AGBL4: variants seen among roughly 807,000 people sequenced by gnomAD.
The protein encoded by AGBL4 is cytosolic carboxypeptidase 6.
Under a neutral mutation model 66.4 loss-of-function variants are expected in AGBL4, and 58 were observed. That is an observed-to-expected ratio of 0.87 (90% CI 0.71 to 1.09). The LOEUF (loss-of-function observed/expected upper bound fraction) is 1.09, where lower values mean the gene tolerates loss of function less well. AGBL4 is among the 50% of genes least tolerant of loss of function. The pLI, the probability that AGBL4 is intolerant of heterozygous loss-of-function variation, is 0.00. For synonymous variants in AGBL4, 234 were observed against 222.9 expected, an observed-to-expected ratio of 1.05 and a Z score of -0.44; for missense variants, 579 against 631.0, an observed-to-expected ratio of 0.92 and a Z score of 0.88.
At chr1:48,965,292 A>G (rs1057404064) in intron 5 of AGBL4, among the ~76,000 whole-genome samples, 1 of 152,146 alleles carries the variant, frequency 6.6e-6, no homozygotes, top group Admixed American at 6.5e-5. Context: ...TTCTTTGGAT[A>G]GGGGAACAGA....
intron 6 of AGBL4, among the ~76,000 whole-genome samples, chr1:48,712,204 A>G (rs1460295191): frequency 1.3e-5 from 2 of 152,042 alleles, no homozygotes; most frequent in Admixed American, 6.5e-5. Flanking sequence ...TTCCACACAT[A>G]TCCCTTCCTT....
chr1:48,533,883 T>C lies in AGBL4; in HGVS notation c.*290A>G, dbSNP rs2798111. The stretch of plus-strand genomic sequence containing the variant: ...TGTCAAATCTCTTAAAAGGGATGTG[T>C]AGGTTTTCCTCATCTTGGAAGATCT... On this transcript the variant is annotated 3_prime_UTR_variant, in exon 14 of 14. Coordinates refer to ENST00000371839, the MANE Select transcript of AGBL4 (RefSeq NM_032785.4). 137,331 of 422,894 alleles carry C rather than the reference T, an allele frequency of 0.32. 23,087 individuals carry two copies. Among genetic ancestry groups the C allele is most frequent in the East Asian group, 0.36 (7,017 of 19,518 alleles). 26.2% of individuals were successfully genotyped at this position (422,894 alleles called of 1,614,324 possible).
chr1:49,619,716 A>AACTATATTAAAAGACT (rs1435903635), intron 3 of AGBL4, among the ~76,000 whole-genome samples: 2 of 152,184 alleles, frequency 1.3e-5, no homozygotes, highest in African/African-American at 2.4e-5. Flanking sequence ...CCTGACTTCA[A>AACTATATTAAAAGACT]ACTATATTAA....
At chr1:48,607,821 C>T (rs981343410) in intron 9 of AGBL4, among the ~76,000 whole-genome samples, 1 of 152,188 alleles carries the variant, frequency 6.6e-6, no homozygotes, top group Non-Finnish European at 1.5e-5. Context: ...TAAGTCCTGA[C>T]TCCGAGTCAA....
intron 4 of AGBL4, among the ~76,000 whole-genome samples, chr1:49,245,324 AAAGCTACTG>A (rs1651556035): frequency 6.6e-6 from 1 of 151,076 alleles, no homozygotes; most frequent in African/African-American, 2.4e-5. Flanking sequence ...AAAGCAAGAG[AAAGCTACTG>A]AACTGTAGTC....
At chr1:49,530,273 C>CAAAAAAAAAAAAAAAAA (rs1171374859) in intron 3 of AGBL4, among the ~76,000 whole-genome samples, 3 of 111,928 alleles carry the variant, frequency 2.7e-5, no homozygotes, top group Non-Finnish European at 5.2e-5. Flanking sequence ...AAAAAAAAAA[C>CAAAAAAAAAAAAAAAAA]AAAAAAAAAC....
chr1:49,059,002 T>C (rs1239351500), intron 4 of AGBL4, among the ~76,000 whole-genome samples: 3 of 151,966 alleles, frequency 2.0e-5, no homozygotes, highest in African/African-American at 7.3e-5. Context: ...AATGATGCAA[T>C]AAAAAAAGAA....
At chr1:48,850,616 C>T (rs560851860) in intron 6 of AGBL4, among the ~76,000 whole-genome samples, 1 of 149,442 alleles carries the variant, frequency 6.7e-6, no homozygotes, top group African/African-American at 2.5e-5. Context: ...CTTCAACTTC[C>T]CAAGCTCAGG....
At chr1:49,653,308 C>A (rs1207554913) in intron 3 of AGBL4, among the ~76,000 whole-genome samples, 3 of 152,110 alleles carry the variant, frequency 2.0e-5, no homozygotes, top group Non-Finnish European at 4.4e-5. Context: ...CACAAAACCA[C>A]ATCCAAGGTC....
At chr1:49,510,699 G>A (rs917585725) in intron 3 of AGBL4, among the ~76,000 whole-genome samples, 3 of 151,600 alleles carry the variant, frequency 2.0e-5, no homozygotes, top group Non-Finnish European at 4.4e-5. Flanking sequence ...TTTTCTTCTA[G>A]GGTTTTTATG....
chr1:49,537,663 G>T (rs1277272806), intron 3 of AGBL4, among the ~76,000 whole-genome samples: 3 of 152,184 alleles, frequency 2.0e-5, no homozygotes, highest in Non-Finnish European at 4.4e-5. Context: ...GGTGGCTCAC[G>T]CCTGTAATCC....
chr1:48,586,990 G>A lies in AGBL4; in HGVS notation c.1267+14C>T. 1 of 1,609,888 alleles carries A rather than the reference G, an allele frequency of 6.2e-7. No individual in the cohort carries two copies. Among genetic ancestry groups the A allele is most frequent in the Non-Finnish European group, 8.5e-7 (1 of 1,178,360 alleles). ...ATGAGGGCTGGCCCAAGGCTGGGTG[G>A]GGACTAAGGATACAGGCTTCTTCAG... On this transcript the variant is annotated intron_variant, in intron 11 of 13. Coordinates refer to ENST00000371839, the MANE Select transcript of AGBL4 (RefSeq NM_032785.4).
chr1:49,455,206 A>C (rs2148688559), intron 3 of AGBL4, among the ~76,000 whole-genome samples: 1 of 151,764 alleles, frequency 6.6e-6, no homozygotes, highest in South Asian at 2.1e-4. Context: ...GATGTCATGA[A>C]GTACAGAGAG....
At chr1:49,898,489 AAAAG>A (rs1649440636) in intron 1 of AGBL4, among the ~76,000 whole-genome samples, 1 of 152,198 alleles carries the variant, frequency 6.6e-6, no homozygotes, top group Non-Finnish European at 1.5e-5. Flanking sequence ...GATGTAGAGA[AAAAG>A]AACCCTCATA....
chr1:49,074,558 C>T (rs1217386804), intron 4 of AGBL4, among the ~76,000 whole-genome samples: 1 of 152,154 alleles, frequency 6.6e-6, no homozygotes, highest in Non-Finnish European at 1.5e-5. Context: ...TTGTGTTGGG[C>T]CCATGCTAAG....
intron 5 of AGBL4, among the ~76,000 whole-genome samples, chr1:48,870,385 T>C (rs1240971008): frequency 6.6e-6 from 1 of 152,134 alleles, no homozygotes; most frequent in East Asian, 1.9e-4. Flanking sequence ...CAGGGCTATG[T>C]CATTTCACCT....
At chr1:49,366,874 G>A (rs924342916) in intron 3 of AGBL4, among the ~76,000 whole-genome samples, 2 of 152,134 alleles carry the variant, frequency 1.3e-5, no homozygotes, top group African/African-American at 2.4e-5. Flanking sequence ...ATTTTTGCTG[G>A]AACAGGAAGA....
chr1:48,757,193 A>G (rs745916923), intron 6 of AGBL4, among the ~76,000 whole-genome samples: 1 of 152,176 alleles, frequency 6.6e-6, no homozygotes, highest in Non-Finnish European at 1.5e-5. Context: ...GCCCCCAAGA[A>G]GTTCATAAAA....
intron 5 of AGBL4, among the ~76,000 whole-genome samples, chr1:48,969,788 T>G (rs1265105677): frequency 1.3e-5 from 2 of 152,186 alleles, no homozygotes; most frequent in Non-Finnish European, 2.9e-5. Context: ...CCTATAGGAT[T>G]GCTGTAATAG....
Sources: gnomAD v4.1 joint callset for allele counts (sites outside exome capture counted in the v4.1 genomes callset) on GRCh38, gnomAD v4.1.1 for gene constraint, MANE v1.5 for transcripts, NCBI Gene and HGNC (gene_info 2026-07-23, HGNC 2026-07-21) for gene names.